TBC1D22A: variants seen among roughly 807,000 people sequenced by gnomAD.
The protein encoded by TBC1D22A is putative GTPase activator.
TBC1D22A carries 38 observed loss-of-function variants against 60.2 expected under a neutral mutation model. The ratio of observed to expected loss-of-function variants is 0.63; its 90% CI spans 0.49 to 0.83. TBC1D22A has a LOEUF of 0.83. Among genes scored for constraint, TBC1D22A ranks in the 40% least tolerant of loss-of-function variants. The probability of loss-of-function intolerance (pLI) is 0.00; values close to 1 mark genes in which losing one functional copy is unlikely to be tolerated. For missense variants in TBC1D22A, 628 were observed against 701.0 expected (o/e 0.90, Z 1.18); for synonymous variants, 302 against 281.7 (o/e 1.07, Z -0.72).
intron 10 of TBC1D22A, 115 bp from the exon 11 acceptor site, chr22:47,036,956 C>G (rs2062676900): frequency 2.4e-6 from 3 of 1,270,342 alleles, no homozygotes; most frequent in Non-Finnish European, 3.3e-6. Flanking sequence ...TTGGGATTCC[C>G]TGTTGGAGTG....
chr22:47,113,268 G>A (rs1002350982), intron 12 of TBC1D22A, among the ~76,000 whole-genome samples: 2 of 152,178 alleles, frequency 1.3e-5, no homozygotes, highest in African/African-American at 4.8e-5. Context: ...AAATGAAGGC[G>A]GCTGGCTGCC....
chr22:46,844,448 G>A (rs1300525156), intron 4 of TBC1D22A, among the ~76,000 whole-genome samples: 1 of 152,218 alleles, frequency 6.6e-6, no homozygotes, highest in Non-Finnish European at 1.5e-5. Flanking sequence ...CTCTGTGCCA[G>A]GCAGTGTAGC....
intron 8 of TBC1D22A, among the ~76,000 whole-genome samples, chr22:46,968,388 G>C (rs1398084969): frequency 1.3e-5 from 2 of 152,270 alleles, no homozygotes; most frequent in African/African-American, 2.4e-5. Flanking sequence ...CCCACAGGGG[G>C]CTTTTGGATG....
At chr22:46,951,442 CAA>C (rs2072897064) in intron 8 of TBC1D22A, among the ~76,000 whole-genome samples, 1 of 152,170 alleles carries the variant, frequency 6.6e-6, no homozygotes, top group Non-Finnish European at 1.5e-5. Flanking sequence ...AAAGAATAAT[CAA>C]GAGCATGCAG....
At chr22:46,951,192 T>C (rs2148006228) in intron 8 of TBC1D22A, among the ~76,000 whole-genome samples, 1 of 152,330 alleles carries the variant, frequency 6.6e-6, no homozygotes, top group African/African-American at 2.4e-5. Context: ...ATTGAGTGTA[T>C]GTATAGTGCT....
At chr22:47,004,636 C>T (rs906019248) in intron 10 of TBC1D22A, among the ~76,000 whole-genome samples, 1 of 150,308 alleles carries the variant, frequency 6.7e-6, no homozygotes, top group African/African-American at 2.5e-5. Context: ...ACATACACAC[C>T]TCTGTATACA....
At chr22:47,100,930 C>A (rs1467433399) in intron 11 of TBC1D22A, among the ~76,000 whole-genome samples, 2 of 152,162 alleles carry the variant, frequency 1.3e-5, no homozygotes, top group South Asian at 4.1e-4. Context: ...GTTAGAGCCT[C>A]GGCTGAATGA....
intron 7 of TBC1D22A, among the ~76,000 whole-genome samples, chr22:46,899,231 G>A (rs901634217): frequency 6.6e-6 from 1 of 152,162 alleles, no homozygotes; most frequent in African/African-American, 2.4e-5. Flanking sequence ...CAGATCAGCT[G>A]AGGTCAGGAG....
At chr22:47,099,177 C>T (rs1013968029) in intron 11 of TBC1D22A, among the ~76,000 whole-genome samples, 1 of 152,166 alleles carries the variant, frequency 6.6e-6, no homozygotes, top group Non-Finnish European at 1.5e-5. Flanking sequence ...AAGTGCAGAC[C>T]CTGCTCTTCA....
At chr22:46,971,586 C>A (rs190945810) in intron 8 of TBC1D22A, among the ~76,000 whole-genome samples, 1 of 152,184 alleles carries the variant, frequency 6.6e-6, no homozygotes, top group South Asian at 2.1e-4. Context: ...GGCCACTTAC[C>A]CTCCTGTCTA....
chr22:46,941,869 T>C (rs1347809768), intron 8 of TBC1D22A, among the ~76,000 whole-genome samples: 2 of 67,244 alleles, frequency 3.0e-5, no homozygotes, highest in Admixed American at 1.4e-4. Flanking sequence ...ATAGAATATA[T>C]GTGTATAGAA....
In TBC1D22A at chr22:46,919,731, C is replaced by CTTTTTT. The variant is rs57252183; in HGVS notation, c.1015+7552_1015+7557dup. Among the ~76,000 whole-genome samples, 2 of 136,856 alleles carry CTTTTTT rather than the reference C, an allele frequency of 1.5e-5. 1 individual carries two copies. The highest frequency in any genetic ancestry group is 3.1e-5 in the Non-Finnish European group (2 of 65,010). The allele number at this position is 136,856 out of a possible 152,430, so 89.8% of individuals were successfully genotyped here. A position where few individuals can be genotyped will look rare whatever the true frequency, so the allele number is the denominator to read the frequency against. On this transcript the variant is annotated intron_variant, in intron 8 of 12. Coordinates refer to ENST00000337137, the MANE Select transcript of TBC1D22A (RefSeq NM_014346.5). ...TCAACACTTGTCATCATCTTTCACT[C>CTTTTTT]TTTTTTTTTTTTTTGTAGACTTTAC...
At chr22:47,088,932 C>T (rs1194595261) in intron 11 of TBC1D22A, among the ~76,000 whole-genome samples, 1 of 152,136 alleles carries the variant, frequency 6.6e-6, no homozygotes, top group African/African-American at 2.4e-5. Context: ...GCCTTTAGAC[C>T]GCAGTCCTGC....
At chr22:46,881,174 A>G (rs547578178) in intron 5 of TBC1D22A, among the ~76,000 whole-genome samples, 25 of 152,234 alleles carry the variant, frequency 1.6e-4, no homozygotes, top group African/African-American at 6.0e-4. Flanking sequence ...ATTCTGAAGG[A>G]GAAACTGGGA....
At chr22:46,951,068 G>C (rs1035770550) in intron 8 of TBC1D22A, among the ~76,000 whole-genome samples, 3 of 152,178 alleles carry the variant, frequency 2.0e-5, no homozygotes, top group Admixed American at 1.3e-4. Context: ...GGAGCTTTCA[G>C]CTGTCCCTGT....
intron 12 of TBC1D22A, among the ~76,000 whole-genome samples, chr22:47,151,342 C>G (rs901406457): frequency 6.6e-6 from 1 of 152,182 alleles, no homozygotes; most frequent in Non-Finnish European, 1.5e-5. Flanking sequence ...AGATCGCAGC[C>G]CCACTGCATG....
rs1397109776 is a variant in TBC1D22A at position 47,009,150 on chromosome 22, C to T, written c.1201+11441C>T. Among the ~76,000 whole-genome samples the T allele has an allele frequency of 6.6e-6, 1 of 152,166 alleles. No homozygotes were observed. The highest frequency in any genetic ancestry group is 2.4e-5 in the African/African-American group (1 of 41,428). ...GTCCCCACTCTAGCCCTTGTTTCCCCATGCATGACGGGTCATGGGAGTAAA... is the reference window on the plus strand; with the variant it reads ...GTCCCCACTCTAGCCCTTGTTTCCCTATGCATGACGGGTCATGGGAGTAAA... On this transcript the variant is annotated intron_variant, in intron 10 of 12. Transcript: ENST00000337137. The surrounding 1 kb of genome is among the most constrained non-coding windows in gnomAD (Gnocchi z 5.8).
chr22:46,874,638 G>C (rs902652667), intron 4 of TBC1D22A, among the ~76,000 whole-genome samples: 2 of 125,532 alleles, frequency 1.6e-5, no homozygotes, highest in African/African-American at 6.1e-5. Flanking sequence ...CAGTGGTGCA[G>C]TCTTGGCTCA....
rs1569483808 is a variant in TBC1D22A at position 47,174,890 on chromosome 22, G to A, written c.*1264G>A. On this transcript the variant is annotated 3_prime_UTR_variant, in exon 13 of 13. Coordinates refer to ENST00000337137, the MANE Select transcript of TBC1D22A (RefSeq NM_014346.5). ...CCTTGGCTCCAGGGGCCTTGGGACT[G>A]GCTTCCCAGCGTTCCCTCGGTGTGT... The A allele has an allele frequency of 6.6e-6, 1 of 152,326 alleles. No homozygotes were observed. Among genetic ancestry groups the A allele is most frequent in the Non-Finnish European group, 1.5e-5 (1 of 68,146 alleles). The allele number at this position is 152,326 out of a possible 1,614,324, so 9.4% of individuals were successfully genotyped here.
Sources: allele counts gnomAD v4.1 joint callset (sites outside exome capture counted in the v4.1 genomes callset), GRCh38; gene constraint gnomAD v4.1.1; non-coding constraint Gnocchi (gnomAD v3.1); transcripts MANE v1.5; gene names NCBI Gene and HGNC (gene_info 2026-07-23, HGNC 2026-07-21).